FBXL13: variants seen among roughly 807,000 people sequenced by gnomAD.
FBXL13 encodes F-box and leucine rich repeat protein 13.
In FBXL13, 67 loss-of-function variants were observed where a neutral mutation model predicts 83.6. The observed-to-expected ratio is 0.80, with a 90% CI of 0.66 to 0.98. The LOEUF (loss-of-function observed/expected upper bound fraction) is 0.98. Among genes scored for constraint, FBXL13 ranks in the 50% least tolerant of loss-of-function variants. The pLI is 0.00. For missense variants in FBXL13, 822 were observed against 866.5 expected (o/e 0.95, Z 0.64); for synonymous variants, 272 against 299.5 (o/e 0.91, Z 0.95).
intron 3 of FBXL13, among the ~76,000 whole-genome samples, 159 bp from the exon 5 acceptor site, chr7:103,028,907 CCT>C (rs1563243254): frequency 8.6e-5 from 13 of 151,900 alleles, no homozygotes; most frequent in African/African-American, 2.9e-4. Context: ...CTGAAGAATT[CCT>C]AAGAGTTATA....
chr7:102,889,029 A>T (rs1246597036), intron 11 of FBXL13, among the ~76,000 whole-genome samples: 2 of 152,222 alleles, frequency 1.3e-5, no homozygotes, highest in Non-Finnish European at 2.9e-5. Context: ...ATTAGCTAGC[A>T]TAATGTCTGG....
intron 19 of FBXL13, among the ~76,000 whole-genome samples, chr7:102,818,080 C>T (rs1798243391): frequency 6.6e-6 from 1 of 152,172 alleles, no homozygotes; most frequent in Non-Finnish European, 1.5e-5. Context: ...ACACTGTGTG[C>T]CTTAGCTCAC....
chr7:102,817,473 ATTTG>A lies in FBXL13; in HGVS notation c.2019-3946_2019-3943del, dbSNP rs555152863. On this transcript the variant is annotated intron_variant, in intron 19 of 19. Coordinates refer to ENST00000313221, the Ensembl canonical transcript of FBXL13. ...GGGCTTATTTGGTTTTTGCTTGTTG[ATTTG>A]TTTAAGTTCTAGATTCTGGATATTA... Among the ~76,000 whole-genome samples, 652 of 151,934 alleles carry A rather than the reference ATTTG, an allele frequency of 4.3e-3. 6 individuals are homozygous for A. The highest frequency in any genetic ancestry group is 0.015 in the African/African-American group (624 of 41,422).
intron 18 of FBXL13, among the ~76,000 whole-genome samples, chr7:102,825,568 GGACTAA>G: frequency 6.6e-6 from 1 of 152,170 alleles, no homozygotes; most frequent in Non-Finnish European, 1.5e-5. Flanking sequence ...AACAGAAAAC[GGACTAA>G]GACAGGGTAT....
chr7:103,011,379 A>G (rs1257761004), intron 6 of FBXL13, among the ~76,000 whole-genome samples: 1 of 152,144 alleles, frequency 6.6e-6, no homozygotes, highest in Non-Finnish European at 1.5e-5. Flanking sequence ...TCACGCCTGT[A>G]ATCCCAGCAC....
chr7:103,040,863 A>G lies in FBXL13; in HGVS notation c.1-11445T>C, dbSNP rs555520639. On this transcript the variant is annotated intron_variant, in intron 2 of 19. Transcript: ENST00000313221. ...GGGAAATTGATAGCACTAAATGCCCACAAGAGAAAGCAGGAAAGATCTAAA... is the reference window on the plus strand; with the variant it reads ...GGGAAATTGATAGCACTAAATGCCCGCAAGAGAAAGCAGGAAAGATCTAAA... 3.3e-5 allele frequency among the ~76,000 whole-genome samples: 5 copies of G among 152,346 alleles called. No individual in the cohort carries two copies. The South Asian group carries it at 1.0e-3, about 32-fold the overall frequency.
chr7:103,044,235 C>T (rs1232442822), intron 2 of FBXL13, among the ~76,000 whole-genome samples: 5 of 152,106 alleles, frequency 3.3e-5, no homozygotes, highest in South Asian at 4.1e-4. Flanking sequence ...ATAAATAAGT[C>T]GCATGCAGAA....
At chr7:103,019,263 C>G (rs1001301893) in intron 6 of FBXL13, among the ~76,000 whole-genome samples, 1 of 152,196 alleles carries the variant, frequency 6.6e-6, no homozygotes, top group African/African-American at 2.4e-5. Context: ...CAAAGATGTT[C>G]TTTGAAACCA....
intron 17 of FBXL13, among the ~76,000 whole-genome samples, chr7:102,853,506 C>T (rs914737849): frequency 2.0e-5 from 3 of 152,088 alleles, no homozygotes; most frequent in African/African-American, 7.2e-5. Context: ...CAACAAAAGC[C>T]AAAATTGATG....
intron 17 of FBXL13, among the ~76,000 whole-genome samples, chr7:102,839,432 T>C (rs981422344): frequency 1.3e-5 from 2 of 152,198 alleles, no homozygotes; most frequent in Non-Finnish European, 2.9e-5. Flanking sequence ...TGTCTCTGTG[T>C]CTTATTTCTT....
chr7:103,008,551 A>G (rs1197402790), intron 6 of FBXL13, among the ~76,000 whole-genome samples: 1 of 152,164 alleles, frequency 6.6e-6, no homozygotes, highest in Non-Finnish European at 1.5e-5. Flanking sequence ...TGGATAAAAT[A>G]TAATTGACTT....
chr7:103,034,716 G>C (rs1020629969), intron 2 of FBXL13, among the ~76,000 whole-genome samples: 1 of 152,256 alleles, frequency 6.6e-6, no homozygotes, highest in Non-Finnish European at 1.5e-5. Context: ...CAGAGGAGGC[G>C]CCGAGAGCGA....
At position 102,939,315 on chromosome 7, in the gene FBXL13, T is replaced by C; in HGVS notation, c.725-7382A>G. On this transcript the variant is annotated intron_variant, in intron 8 of 19. Coordinates refer to ENST00000313221, the Ensembl canonical transcript of FBXL13. ...CATACTAACTTTCTTTGGCTTTAGA[T>C]ATCCCTTTACCCCTTCTCTTTAAGA... 3 of 827,904 alleles carry C rather than the reference T, an allele frequency of 3.6e-6. No homozygotes were observed. In the South Asian group the frequency reaches 6.1e-5, roughly 17 times the overall value. The allele number at this position is 827,904 out of a possible 1,614,324, so 51.3% of individuals were successfully genotyped here.
At chr7:102,962,525 C>A (rs1563156269) in intron 8 of FBXL13, among the ~76,000 whole-genome samples, 1 of 152,176 alleles carries the variant, frequency 6.6e-6, no homozygotes, top group Non-Finnish European at 1.5e-5. Flanking sequence ...TATAAAGACA[C>A]ATGCACGCAT....
chr7:103,055,580 T>C, intron 2 of FBXL13, 64 bp downstream of exon 2: 1 of 649,744 alleles, frequency 1.5e-6, no homozygotes, highest in South Asian at 1.7e-5. Context: ...ATTTTGTTAC[T>C]ATGCAATAAA....
intron 8 of FBXL13, among the ~76,000 whole-genome samples, chr7:102,961,683 A>G (rs1825236629): frequency 6.6e-6 from 1 of 150,742 alleles, no homozygotes; most frequent in Admixed American, 6.6e-5. Context: ...ATAACGCTGC[A>G]TATCTACAAC....
chr7:102,984,394 T>A (rs967136907), intron 6 of FBXL13, among the ~76,000 whole-genome samples: 1 of 152,200 alleles, frequency 6.6e-6, no homozygotes, highest in Non-Finnish European at 1.5e-5. Context: ...ATCCATTAGA[T>A]ATATATTGAG....
intron 16 of FBXL13, among the ~76,000 whole-genome samples, chr7:102,862,211 C>A (rs947439717): frequency 1.3e-5 from 2 of 151,646 alleles, no homozygotes; most frequent in Non-Finnish European, 2.9e-5. Context: ...GGCGTGTAGT[C>A]CCCGCTACTC....
At chr7:102,974,100 T>A (rs183225738) in intron 6 of FBXL13, among the ~76,000 whole-genome samples, 16 of 152,260 alleles carry the variant, frequency 1.1e-4, no homozygotes, top group Non-Finnish European at 1.9e-4. Flanking sequence ...ATAAAAAACC[T>A]GTAAACCTGG....
Sources: gnomAD v4.1 joint callset for allele counts (sites outside exome capture counted in the v4.1 genomes callset) on GRCh38, gnomAD v4.1.1 for gene constraint, MANE v1.5 for transcripts, NCBI Gene and HGNC (gene_info 2026-07-23, HGNC 2026-07-21) for gene names.